VWF: variants seen among roughly 807,000 people sequenced by gnomAD.
The protein encoded by VWF is von Willebrand factor, also known as Factor VIII related antigen.
VWF carries 176 observed loss-of-function variants against 308.6 expected under a neutral mutation model. The observed-to-expected ratio is 0.57, with a 90% confidence interval of 0.50 to 0.65. The LOEUF is 0.65. VWF is among the 30% of genes least tolerant of loss of function. The probability of loss-of-function intolerance (pLI) is 0.00; values close to 1 mark genes in which losing one functional copy is unlikely to be tolerated. For missense variants in VWF, 3,146 were observed against 3,648.2 expected (o/e 0.86, Z 3.55); for synonymous variants, 1,385 against 1,443.4 (o/e 0.96, Z 0.92).
intron 38 of VWF, among the ~76,000 whole-genome samples, chr12:5,991,167 T>TCACACA (rs201361783): frequency 0.016 from 2,176 of 134,934 alleles, 25 homozygotes; most frequent in Admixed American, 0.024. Flanking sequence ...CAAGGGATTC[T>TCACACA]CACACACACA....
chr12:6,023,759 C>T lies in VWF; in HGVS notation c.3251G>A (p.Cys1084Tyr), dbSNP rs759805079. The change falls in exon 25 of 52, where the codon TGC becomes TAC. Residue 1084 changes from cysteine to tyrosine, a missense_variant. Coordinates refer to ENST00000261405, the MANE Select transcript of VWF (RefSeq NM_000552.5). ...CTCACAGGAGCAGGTGTCGTAAATG[C>T]AGACATCCAGATATGGCTCGGGGTC... ...LVDPEPYLDV[C>Y]IYDTCSCESI... The T allele has an allele frequency of 1.9e-6, 3 of 1,612,582 alleles. No homozygotes were observed. The South Asian group carries it at 3.3e-5, about 18-fold the overall frequency.
chr12:6,103,545 TACACACACACACACACACAC>T (rs139889348), intron 5 of VWF, among the ~76,000 whole-genome samples: 8 of 124,164 alleles, frequency 6.4e-5, no homozygotes, highest in African/African-American at 2.8e-4. Context: ...CATATATGTA[TACACACACACACACACACAC>T]ACACACACAC....
intron 15 of VWF, 102 bp downstream of exon 15, chr12:6,056,755 C>T (rs893949698): frequency 1.9e-5 from 20 of 1,056,876 alleles, no homozygotes; most frequent in Non-Finnish European, 2.4e-5. Context: ...ATGCCCTACG[C>T]CCTCTTTCCA....
chr12:6,080,810 G>A (rs1278444716), intron 6 of VWF, among the ~76,000 whole-genome samples: 5 of 152,290 alleles, frequency 3.3e-5, no homozygotes, highest in African/African-American at 1.2e-4. Context: ...CACGCCCTCA[G>A]ACCCTTCCGC....
intron 21 of VWF, 81 bp from the exon 22 acceptor site, chr12:6,029,569 C>G: frequency 3.8e-6 from 6 of 1,574,590 alleles, no homozygotes; most frequent in Non-Finnish European, 5.2e-6. Context: ...CTACACCTGC[C>G]CATCTGTCTT....
chr12:6,066,293 G>A (rs962036743), intron 10 of VWF, among the ~76,000 whole-genome samples: 2 of 152,100 alleles, frequency 1.3e-5, no homozygotes, highest in Non-Finnish European at 2.9e-5. Context: ...CCATCTTCAG[G>A]GCCAAACATG....
In VWF at chr12:6,116,699, G is replaced by A. The variant is rs139961637; in HGVS notation, c.220+4475C>T. Reference sequence around the variant, plus strand: ...CCTCTGTGCTGTCTGGCAAACAGCCGTGTCGCCTTGGCCTCGAACCCTGGA... The same window carrying A: ...CCTCTGTGCTGTCTGGCAAACAGCCATGTCGCCTTGGCCTCGAACCCTGGA... On this transcript the variant is annotated intron_variant, in intron 3 of 51. Coordinates refer to ENST00000261405, the MANE Select transcript of VWF (RefSeq NM_000552.5). Among the ~76,000 whole-genome samples, 20 of 152,326 alleles carry A rather than the reference G, an allele frequency of 1.3e-4. No individual in the cohort carries two copies. The East Asian group carries it at 2.9e-3, about 22-fold the overall frequency.
intron 42 of VWF, among the ~76,000 whole-genome samples, chr12:5,978,519 CT>C (rs1943557008): frequency 2.0e-5 from 3 of 152,130 alleles, no homozygotes; most frequent in Admixed American, 2.0e-4. Context: ...CCACCTTGGC[CT>C]CCCAAAGTGC....
intron 47 of VWF, among the ~76,000 whole-genome samples, chr12:5,957,986 C>T (rs7964554): frequency 0.43 from 66,012 of 151,770 alleles, 15,603 homozygotes; most frequent in African/African-American, 0.6. Flanking sequence ...GGAAAAAGTA[C>T]GTTGTACATG....
At chr12:5,988,851 G>A (rs2136379521) in intron 38 of VWF, among the ~76,000 whole-genome samples, 1 of 152,296 alleles carries the variant, frequency 6.6e-6, no homozygotes, top group East Asian at 1.9e-4. Context: ...GCCAGAACCG[G>A]TATGAGAGCC....
At chr12:5,968,227 A>T in intron 45 of VWF, 60 bp from the exon 46 acceptor site, 3 of 1,605,748 alleles carry the variant, frequency 1.9e-6, no homozygotes, top group Non-Finnish European at 2.6e-6. Context: ...GAGACCGGCG[A>T]GCAGGCTGCT....
At chr12:6,003,860 G>C (rs1943899139) in intron 34 of VWF, among the ~76,000 whole-genome samples, 1 of 131,880 alleles carries the variant, frequency 7.6e-6, no homozygotes, top group South Asian at 2.4e-4. Flanking sequence ...CTGTTGCCCA[G>C]GCTGGAGTGC....
chr12:6,017,087 A>G (rs1049352561), intron 28 of VWF, among the ~76,000 whole-genome samples: 5 of 152,226 alleles, frequency 3.3e-5, no homozygotes, highest in African/African-American at 1.2e-4. Context: ...TCAGATTTAG[A>G]GACACTGAGA....
chr12:6,079,534 C>T (rs537969227), intron 6 of VWF, among the ~76,000 whole-genome samples: 3 of 151,668 alleles, frequency 2.0e-5, no homozygotes, highest in East Asian at 1.9e-4. Context: ...GGCATGAAGC[C>T]GGGAGGCAAC....
At chr12:6,083,823 G>A (rs933772276) in intron 6 of VWF, among the ~76,000 whole-genome samples, 1 of 152,160 alleles carries the variant, frequency 6.6e-6, no homozygotes, top group Non-Finnish European at 1.5e-5. Flanking sequence ...TAAGCAGAGG[G>A]GTCTTGTGCA....
At position 6,036,629 on chromosome 12, in the gene VWF, C is replaced by G; in HGVS notation, c.2443-138G>C. The G allele has an allele frequency of 1.7e-5, 14 of 821,332 alleles. No individual in the cohort carries two copies. In the South Asian group the frequency reaches 2.0e-4, roughly 12 times the overall value. 50.9% of individuals were successfully genotyped at this position (821,332 alleles called of 1,614,324 possible). On this transcript the variant is annotated intron_variant, in intron 18 of 51. Coordinates refer to ENST00000261405, the MANE Select transcript of VWF (RefSeq NM_000552.5). The stretch of plus-strand genomic sequence containing the variant: ...ACTGGGACTGGCACCAGGACCAGGG[C>G]TGAGCCAGGGGGACAGCTTCCACTG...
chr12:6,069,299 G>A (rs759796359), intron 10 of VWF, among the ~76,000 whole-genome samples: 34 of 152,128 alleles, frequency 2.2e-4, no homozygotes, highest in Admixed American at 8.5e-4. Flanking sequence ...ACTGAACAGG[G>A]ATCTGAATAC....
At chr12:6,043,258 T>C (rs896346091) in intron 18 of VWF, among the ~76,000 whole-genome samples, 10 of 152,220 alleles carry the variant, frequency 6.6e-5, no homozygotes, top group Non-Finnish European at 1.3e-4. Flanking sequence ...TAAGCATCTG[T>C]CCTTCACACA....
chr12:5,969,444 G>T (rs183097954), intron 44 of VWF, 53 bp from the exon 45 acceptor site: 2 of 1,607,452 alleles, frequency 1.2e-6, no homozygotes, highest in Non-Finnish European at 1.7e-6. Context: ...GGAGCCCAGG[G>T]TCCCATTGGG....
Sources: allele counts gnomAD v4.1 joint callset (sites outside exome capture counted in the v4.1 genomes callset), GRCh38; gene constraint gnomAD v4.1.1; transcripts MANE v1.5; gene names NCBI Gene and HGNC (gene_info 2026-07-23, HGNC 2026-07-21).